Variants in SDR16C5 observed in about 807,000 individuals in gnomAD.
SDR16C5 encodes short chain dehydrogenase/reductase family 16C member 5.
A neutral mutation model predicts 27.7 loss-of-function variants in SDR16C5; 20 were observed. The ratio of observed to expected loss-of-function variants is 0.72; its 90% CI spans 0.51 to 1.05. The LOEUF (loss-of-function observed/expected upper bound fraction) is 1.05. Among genes scored for constraint, SDR16C5 ranks in the 50% least tolerant of loss-of-function variants. SDR16C5 has a pLI of 0.00. For missense variants in SDR16C5, 374 were observed against 366.3 expected, an observed-to-expected ratio of 1.02 and a Z score of -0.17; for synonymous variants, 139 against 132.3, an observed-to-expected ratio of 1.05 and a Z score of -0.35.
chr8:56,318,907 G>A (rs1045928505), intron 1 of SDR16C5, among the ~76,000 whole-genome samples: 12 of 152,054 alleles, frequency 7.9e-5, no homozygotes, highest in Non-Finnish European at 1.5e-4. Flanking sequence ...GTTTGGGTTG[G>A]AATTCCAGAT....
rs1273995162 is a variant in SDR16C5, at chr8:56,316,136, TC to T, written c.211del (p.Asp71IlefsTer38). The T allele has an allele frequency of 1.9e-6, 3 of 1,613,930 alleles. No homozygotes were observed. The highest frequency in any genetic ancestry group is 2.5e-6 in the Non-Finnish European group (3 of 1,179,958). On this transcript the variant is annotated frameshift_variant, in exon 2 of 7. Coordinates refer to ENST00000303749, the MANE Select transcript of SDR16C5 (RefSeq NM_138969.4). LOFTEE classifies it high-confidence loss of function. ...ARLGSVLVLW[D>X]INKEGNEETC... ...TTCCTCATTCCCCTCCTTATTGATATCCCAGAGAACAAGAACAGATCCCAGC... is the reference window on the plus strand; with the variant it reads ...TTCCTCATTCCCCTCCTTATTGATATCCAGAGAACAAGAACAGATCCCAGC...
rs780066343 is a variant in SDR16C5 at position 56,301,465 on chromosome 8, C to G, written c.*15G>C. On this transcript the variant is annotated 3_prime_UTR_variant, in exon 7 of 7. Coordinates refer to ENST00000303749, the MANE Select transcript of SDR16C5 (RefSeq NM_138969.4). ...AACACTGTGTATCAGATGACCTTAG[C>G]CATAGAGTTGGTCTTTAGAGCTTCT... The G allele has an allele frequency of 1.3e-6, 2 of 1,577,360 alleles. No individual in the cohort carries two copies. Among genetic ancestry groups the G allele is most frequent in the Admixed American group, 3.3e-5 (2 of 59,952 alleles).
chr8:56,303,732 A>T (rs2129256754), intron 6 of SDR16C5, among the ~76,000 whole-genome samples: 1 of 152,348 alleles, frequency 6.6e-6, no homozygotes, highest in Non-Finnish European at 1.5e-5. Context: ...GCATAAAACT[A>T]AACATAATCT....
intron 4 of SDR16C5, among the ~76,000 whole-genome samples, chr8:56,307,554 T>C (rs1222218371): frequency 6.6e-6 from 1 of 152,228 alleles, no homozygotes; most frequent in Non-Finnish European, 1.5e-5. Flanking sequence ...AAACTTGCTA[T>C]GTTACGGTGC....
intron 6 of SDR16C5, among the ~76,000 whole-genome samples, chr8:56,304,847 C>G (rs755555609): frequency 3.9e-5 from 6 of 152,028 alleles, no homozygotes; most frequent in Non-Finnish European, 7.4e-5. Context: ...TAGGTGTATA[C>G]CAGCCTCAAA....
At chr8:56,311,776 T>A (rs1815050065) in intron 3 of SDR16C5, among the ~76,000 whole-genome samples, 1 of 152,236 alleles carries the variant, frequency 6.6e-6, no homozygotes, top group African/African-American at 2.4e-5. Flanking sequence ...ATTACAAAGC[T>A]ACCCTGGTCC....
chr8:56,301,427 G>T lies in SDR16C5; in HGVS notation c.*53C>A. The T allele has an allele frequency of 8.2e-7, 1 of 1,221,470 alleles. No individual in the cohort carries two copies. The highest frequency in any genetic ancestry group is 1.2e-6 in the Non-Finnish European group (1 of 823,936). The allele number at this position is 1,221,470 out of a possible 1,614,324, so 75.7% of individuals were successfully genotyped here. ...GACAAAAATACTTTTCTTCATTGAAGTACGCATTATGTAACACTGTGTATC... is the reference window on the plus strand; with the variant it reads ...GACAAAAATACTTTTCTTCATTGAATTACGCATTATGTAACACTGTGTATC... On this transcript the variant is annotated 3_prime_UTR_variant, in exon 7 of 7. Transcript: ENST00000303749.
Position 56,309,483 on chromosome 8 carries a change from T to C in SDR16C5, c.466-456A>G, listed in dbSNP as rs890829024. On this transcript the variant is annotated intron_variant, in intron 3 of 6. Transcript: ENST00000303749. ...TCAATTTTAAAAGAGCACTTTGTTT[T>C]AAACTCATCTCTTATTTTTGTTCCA... 4 of 985,262 alleles carry C rather than the reference T, an allele frequency of 4.1e-6. No homozygotes were observed. The African/African-American group carries it at 7.0e-5, about 17-fold the overall frequency. 61.0% of individuals were successfully genotyped at this position (985,262 alleles called of 1,614,324 possible). A position where few individuals can be genotyped will look rare whatever the true frequency, so the allele number is the denominator to read the frequency against.
intron 5 of SDR16C5, 152 bp downstream of exon 5, chr8:56,306,524 C>T: frequency 1.4e-6 from 1 of 726,300 alleles, no homozygotes; most frequent in Non-Finnish European, 2.1e-6. Context: ...TTCACACAAA[C>T]ACATACTAAG....
At chr8:56,311,642 A>G (rs1444701538) in intron 3 of SDR16C5, among the ~76,000 whole-genome samples, 1 of 152,030 alleles carries the variant, frequency 6.6e-6, no homozygotes, top group East Asian at 1.9e-4. Flanking sequence ...TGGAACCTCT[A>G]ATTTCTCTGG....
At chr8:56,310,370 A>G (rs111643556) in intron 3 of SDR16C5, among the ~76,000 whole-genome samples, 1 of 75,800 alleles carries the variant, frequency 1.3e-5, no homozygotes, top group African/African-American at 5.1e-5. Flanking sequence ...AAAAGAAGAA[A>G]AGAGAGAGAC....
At chr8:56,310,148 GA>G (rs1814993911) in intron 3 of SDR16C5, among the ~76,000 whole-genome samples, 2 of 44,762 alleles carry the variant, frequency 4.5e-5, no homozygotes, top group African/African-American at 2.8e-4. Context: ...GGAGGAGGAG[GA>G]GGAAGGAGGA....
At chr8:56,308,102 GA>G (rs1034153149) in intron 4 of SDR16C5, among the ~76,000 whole-genome samples, 2 of 152,280 alleles carry the variant, frequency 1.3e-5, no homozygotes, top group Admixed American at 6.5e-5. Context: ...TGGTGGTCCT[GA>G]AAAACCTATT....
At chr8:56,306,850 T>G in intron 4 of SDR16C5, 30 bp from the exon 5 acceptor site, 1 of 1,589,966 alleles carries the variant, frequency 6.3e-7, no homozygotes, top group East Asian at 2.2e-5. Flanking sequence ...ATAACGTATA[T>G]TCCAAAGTTT....
At chr8:56,309,595 A>G (rs1308768760) in intron 3 of SDR16C5, 1 of 984,470 alleles carries the variant, frequency 1.0e-6, no homozygotes, top group Non-Finnish European at 1.2e-6. Flanking sequence ...CTGGAGAAAG[A>G]AGGTAAAAGA....
chr8:56,313,889 C>A (rs1815115517), intron 2 of SDR16C5, among the ~76,000 whole-genome samples: 1 of 152,098 alleles, frequency 6.6e-6, no homozygotes, highest in Non-Finnish European at 1.5e-5. Flanking sequence ...TCTTTGATTG[C>A]TCGTCTAAGG....
intron 6 of SDR16C5, among the ~76,000 whole-genome samples, chr8:56,302,656 G>A (rs1363230026): frequency 6.9e-6 from 1 of 145,160 alleles, no homozygotes. Flanking sequence ...CTAGGCAACA[G>A]AGCAAGAGTC....
At chr8:56,301,625 T>C (rs1281342450) in intron 6 of SDR16C5, 52 bp from the exon 7 acceptor site, 1 of 1,311,550 alleles carries the variant, frequency 7.6e-7, no homozygotes, top group South Asian at 1.2e-5. Flanking sequence ...TGAAAGCCTC[T>C]TTACCACCTC....
rs1458272068 is a variant in SDR16C5 at position 56,316,203 on chromosome 8, C to T, written c.145G>A (p.Gly49Arg). Reference sequence around the variant, plus strand: ...GCTAAGAGCCTTCCGAGTCCACTTCCAGCACCTGTGATGAGGACTATTTCA... The same window carrying T: ...GCTAAGAGCCTTCCGAGTCCACTTCTAGCACCTGTGATGAGGACTATTTCA... ...AGEIVLITGA[G>R]SGLGRLLALQ... Residue 49 changes from glycine (G) to arginine (R), a missense_variant, in exon 2 of 7, where the codon GGA becomes AGA. Physicochemically the swap from Gly to Arg is moderately radical, Grantham distance 125. Coordinates refer to ENST00000303749, the MANE Select transcript of SDR16C5 (RefSeq NM_138969.4). 5 of 1,614,088 alleles carry T rather than the reference C, an allele frequency of 3.1e-6. No individual in the cohort carries two copies. In the African/African-American group the frequency reaches 5.3e-5, roughly 17 times the overall value.
Sources: allele counts gnomAD v4.1 joint callset (sites outside exome capture counted in the v4.1 genomes callset), GRCh38; gene constraint gnomAD v4.1.1; transcripts MANE v1.5; gene names NCBI Gene and HGNC (gene_info 2026-07-23, HGNC 2026-07-21).